The following PLEKHA5 variants were observed in gnomAD, a reference collection of about 807,000 sequenced individuals.
The protein encoded by PLEKHA5 is pleckstrin homology domain-containing family A member 5.
PLEKHA5 carries 55 observed loss-of-function variants against 181.9 expected under a neutral mutation model. That is an observed-to-expected ratio of 0.30 (90% confidence interval 0.24 to 0.38). PLEKHA5 has a LOEUF of 0.38. PLEKHA5 is among the 10% of genes least tolerant of loss of function. PLEKHA5 has a pLI of 1.00. For missense variants in PLEKHA5, 1,432 were observed against 1,549.5 expected (o/e 0.92, Z 1.27); for synonymous variants, 535 against 529.4 (o/e 1.01, Z -0.15).
intron 16 of PLEKHA5, among the ~76,000 whole-genome samples, chr12:19,317,287 G>A (rs536522881): frequency 1.3e-4 from 20 of 151,862 alleles, no homozygotes; most frequent in African/African-American, 4.6e-4. Context: ...GTCCGAAGCT[G>A]CAATGAACTG....
At chr12:19,212,245 G>A (rs1318008625) in intron 3 of PLEKHA5, among the ~76,000 whole-genome samples, 1 of 151,810 alleles carries the variant, frequency 6.6e-6, no homozygotes. Flanking sequence ...CTGAGGCGAC[G>A]GCCACTGCCC....
At chr12:19,350,556 G>A (rs2094543178) in intron 25 of PLEKHA5, among the ~76,000 whole-genome samples, 1 of 152,134 alleles carries the variant, frequency 6.6e-6, no homozygotes, top group Non-Finnish European at 1.5e-5. Flanking sequence ...GGATCACAAG[G>A]TCAGGAGTTC....
chr12:19,372,480 A>G (rs2095608726), intron 31 of PLEKHA5: 1 of 151,524 alleles, frequency 6.6e-6, no homozygotes, highest in Non-Finnish European at 1.5e-5. Flanking sequence ...ATAGTTTGCA[A>G]ATATTTCCTC....
chr12:19,288,077 CAAAA>C (rs9300127), intron 13 of PLEKHA5: 795 of 184,262 alleles, frequency 4.3e-3, no homozygotes, highest in South Asian at 5.9e-3. Context: ...GACTCTGTCT[CAAAA>C]AAAAAAAAAA....
intron 3 of PLEKHA5, among the ~76,000 whole-genome samples, chr12:19,170,892 A>C (rs1052215045): frequency 3.9e-5 from 6 of 152,216 alleles, no homozygotes; most frequent in Non-Finnish European, 7.3e-5. Context: ...CAGACCCTAC[A>C]TTTATTAAAC....
chr12:19,183,736 T>C (rs140326314), intron 3 of PLEKHA5, among the ~76,000 whole-genome samples: 5,779 of 152,234 alleles, frequency 0.038, 356 homozygotes, highest in African/African-American at 0.13. Context: ...TTTTTTGAGA[T>C]GGAGTCTTGC....
At chr12:19,191,614 A>G (rs2151958415) in intron 3 of PLEKHA5, among the ~76,000 whole-genome samples, 1 of 152,310 alleles carries the variant, frequency 6.6e-6, no homozygotes. Context: ...GTTTTCTCAA[A>G]TCACCTCTAA....
intron 25 of PLEKHA5, among the ~76,000 whole-genome samples, chr12:19,351,894 C>T (rs1427504872): frequency 1.3e-5 from 2 of 151,742 alleles, no homozygotes; most frequent in Non-Finnish European, 2.9e-5. Flanking sequence ...ACCAACATGG[C>T]GAAACCCTGT....
intron 3 of PLEKHA5, chr12:19,207,331 A>G (rs1042968580): frequency 2.6e-5 from 4 of 152,154 alleles, no homozygotes; most frequent in Admixed American, 6.6e-5. Context: ...TAGAAGATCT[A>G]TGAAAGAAAA....
chr12:19,340,460 A>C (rs1408183724), intron 21 of PLEKHA5, among the ~76,000 whole-genome samples: 11 of 112,158 alleles, frequency 9.8e-5, no homozygotes, highest in Admixed American at 1.8e-4. Flanking sequence ...TGTACTCAAC[A>C]GCTCATTGAG....
intron 3 of PLEKHA5, among the ~76,000 whole-genome samples, chr12:19,161,610 C>T (rs1217319747): frequency 1.3e-5 from 2 of 152,000 alleles, no homozygotes; most frequent in Admixed American, 6.5e-5. Flanking sequence ...ACCAAGGGTG[C>T]GAACCACCGT....
At chr12:19,215,896 T>C (rs548557304) in intron 3 of PLEKHA5, among the ~76,000 whole-genome samples, 11 of 152,360 alleles carry the variant, frequency 7.2e-5, no homozygotes, top group African/African-American at 2.4e-4. Flanking sequence ...GGTTGTATAA[T>C]ATTGAGTTGG....
At chr12:19,349,427 T>C (rs1468921417) in intron 25 of PLEKHA5, among the ~76,000 whole-genome samples, 2 of 152,162 alleles carry the variant, frequency 1.3e-5, no homozygotes, top group Non-Finnish European at 2.9e-5. Context: ...GGGTCTTTTC[T>C]GTGTGTGTGT....
intron 31 of PLEKHA5, among the ~76,000 whole-genome samples, chr12:19,374,725 C>T (rs1442913834): frequency 6.6e-6 from 1 of 151,366 alleles, no homozygotes; most frequent in Non-Finnish European, 1.5e-5. Context: ...GAGGCCGAGG[C>T]GGGCGGATTG....
chr12:19,354,696 A>T (rs868180750), intron 26 of PLEKHA5, among the ~76,000 whole-genome samples: 9 of 151,166 alleles, frequency 6.0e-5, no homozygotes, highest in Non-Finnish European at 7.4e-5. Flanking sequence ...GTTAGCCAGG[A>T]TGGTCTCAAT....
At chr12:19,132,091 G>T (rs1439182080) in intron 2 of PLEKHA5, among the ~76,000 whole-genome samples, 1 of 152,168 alleles carries the variant, frequency 6.6e-6, no homozygotes, top group Non-Finnish European at 1.5e-5. Context: ...TTCCACCTGG[G>T]ATGAGAAGGC....
At chr12:19,272,896 T>A (rs189396923) in intron 10 of PLEKHA5, among the ~76,000 whole-genome samples, 1 of 152,304 alleles carries the variant, frequency 6.6e-6, no homozygotes, top group Admixed American at 6.5e-5. Context: ...AGTGTAAATG[T>A]TCTATGCCTT....
chr12:19,342,287 T>A (rs1375348939), intron 21 of PLEKHA5, among the ~76,000 whole-genome samples: 1 of 152,160 alleles, frequency 6.6e-6, no homozygotes, highest in East Asian at 1.9e-4. Flanking sequence ...TAATAGAATC[T>A]CAGAGAAAAC....
chr12:19,197,718 G>T (rs1565455117), intron 3 of PLEKHA5, among the ~76,000 whole-genome samples: 1 of 129,786 alleles, frequency 7.7e-6, no homozygotes, highest in Non-Finnish European at 1.6e-5. Context: ...GTGTGTGTGT[G>T]TGTGTGTGTG....
Sources: allele counts gnomAD v4.1 joint callset (sites outside exome capture counted in the v4.1 genomes callset), GRCh38; gene constraint gnomAD v4.1.1; transcripts MANE v1.5; gene names NCBI Gene and HGNC (gene_info 2026-07-23, HGNC 2026-07-21).